The following RNFT2 variants were observed in gnomAD, a reference collection of about 807,000 sequenced individuals.
RNFT2 encodes the protein ring finger protein, transmembrane 2.
In RNFT2, 36 loss-of-function variants were observed where a neutral mutation model predicts 53.0. The observed-to-expected ratio is 0.68, with a 90% confidence interval of 0.52 to 0.90. The LOEUF (loss-of-function observed/expected upper bound fraction) is 0.90. Among genes scored for constraint, RNFT2 ranks in the 40% least tolerant of loss-of-function variants. The pLI is 0.00. For missense variants in RNFT2, 514 were observed against 585.6 expected, an observed-to-expected ratio of 0.88 and a Z score of 1.26; for synonymous variants, 260 against 253.2, an observed-to-expected ratio of 1.03 and a Z score of -0.26.
chr12:116,793,932 G>C (rs1206783335), intron 7 of RNFT2, among the ~76,000 whole-genome samples: 1 of 152,132 alleles, frequency 6.6e-6, no homozygotes, highest in Non-Finnish European at 1.5e-5. Context: ...AAGACCCCTA[G>C]GTTGCTCTTG....
At chr12:116,845,695 G>A (rs1877576639) in intron 10 of RNFT2, among the ~76,000 whole-genome samples, 1 of 152,126 alleles carries the variant, frequency 6.6e-6, no homozygotes, top group Non-Finnish European at 1.5e-5. Context: ...GTGGGAATCT[G>A]TAGAAGCTGC....
Position 116,841,640 on chromosome 12 carries a change from C to T in RNFT2, c.1200+5358C>T, listed in dbSNP as rs140710868. On this transcript the variant is annotated intron_variant, in intron 10 of 10. Transcript: ENST00000257575. The stretch of plus-strand genomic sequence containing the variant: ...GCACACACCTGTAGTCCCAGCTACT[C>T]GGGAGTCTAGGGCAGGAGAGTCACT... Among the ~76,000 whole-genome samples, 364 of 148,998 alleles carry T rather than the reference C, an allele frequency of 2.4e-3. 2 individuals are homozygous for T. The highest frequency in any genetic ancestry group is 8.4e-3 in the African/African-American group (338 of 40,258).
chr12:116,811,490 C>T (rs1875373826), intron 7 of RNFT2, among the ~76,000 whole-genome samples: 1 of 152,032 alleles, frequency 6.6e-6, no homozygotes, highest in Admixed American at 6.6e-5. Flanking sequence ...ATCCTTGTGC[C>T]TCAGTCTCCT....
At chr12:116,743,004 C>T (rs1410697974) in intron 3 of RNFT2, among the ~76,000 whole-genome samples, 2 of 144,990 alleles carry the variant, frequency 1.4e-5, no homozygotes, top group African/African-American at 5.1e-5. Flanking sequence ...TTGCTTGAGC[C>T]CAGGAGGTGG....
intron 7 of RNFT2, among the ~76,000 whole-genome samples, chr12:116,785,964 A>G (rs1348177032): frequency 6.6e-6 from 1 of 151,956 alleles, no homozygotes; most frequent in African/African-American, 2.4e-5. Context: ...AGGTGGGAAG[A>G]TTGCTTGAGC....
chr12:116,755,501 C>T, intron 5 of RNFT2: 1 of 909,724 alleles, frequency 1.1e-6, no homozygotes, highest in Non-Finnish European at 1.9e-6. Context: ...GAGTTGAACC[C>T]AGGTACCTTT....
At chr12:116,778,621 G>A (rs188928968) in intron 6 of RNFT2, among the ~76,000 whole-genome samples, 118 of 152,350 alleles carry the variant, frequency 7.7e-4, no homozygotes, top group African/African-American at 2.2e-3. Context: ...AGGCTGAGGC[G>A]GGTGGATCAC....
chr12:116,757,944 A>G (rs1048400085), intron 5 of RNFT2, among the ~76,000 whole-genome samples: 2 of 152,108 alleles, frequency 1.3e-5, no homozygotes, highest in African/African-American at 4.8e-5. Context: ...TACTATTACT[A>G]TGTTGCTGTC....
chr12:116,798,260 T>C (rs182500955), intron 7 of RNFT2, among the ~76,000 whole-genome samples: 96 of 152,152 alleles, frequency 6.3e-4, no homozygotes, highest in Middle Eastern at 6.8e-3. Flanking sequence ...GCAGCAAATA[T>C]ATGTGCGTGT....
Position 116,781,174 on chromosome 12 carries a change from A to G in RNFT2, c.882+1826A>G, listed in dbSNP as rs575957266. On this transcript the variant is annotated intron_variant, in intron 7 of 10. Coordinates refer to ENST00000257575, the MANE Select transcript of RNFT2 (RefSeq NM_001382266.1). ...AATCTTGGATGAATTACTTAGCCTC[A>G]GTGCCCTCATCTGTAAAATGGGGTA... 2.0e-5 allele frequency among the ~76,000 whole-genome samples: 3 copies of G among 152,290 alleles called. No homozygotes were observed. The South Asian group carries it at 6.2e-4, about 32-fold the overall frequency.
chr12:116,848,906 G>A (rs1293993197), intron 10 of RNFT2, among the ~76,000 whole-genome samples: 5 of 152,078 alleles, frequency 3.3e-5, no homozygotes, highest in African/African-American at 1.2e-4. Context: ...TGCAACCTCT[G>A]CCTCCGGGTT....
intron 7 of RNFT2, among the ~76,000 whole-genome samples, chr12:116,798,469 C>T (rs556452301): frequency 6.6e-6 from 1 of 152,214 alleles, no homozygotes; most frequent in East Asian, 1.9e-4. Context: ...CTGCCATTTA[C>T]CAGCTTTGGG....
intron 6 of RNFT2, among the ~76,000 whole-genome samples, chr12:116,771,152 G>A (rs1032733735): frequency 1.3e-5 from 2 of 151,950 alleles, no homozygotes; most frequent in African/African-American, 2.4e-5. Flanking sequence ...ATTAACAGTG[G>A]TCCTCTAGAC....
chr12:116,827,279 G>A (rs1311700250), intron 7 of RNFT2, among the ~76,000 whole-genome samples: 1 of 151,162 alleles, frequency 6.6e-6, no homozygotes, highest in Non-Finnish European at 1.5e-5. Context: ...CTTCAAAGGT[G>A]TACATAACAG....
chr12:116,838,959 G>A (rs1315612230), intron 10 of RNFT2, among the ~76,000 whole-genome samples: 2 of 152,340 alleles, frequency 1.3e-5, no homozygotes, highest in African/African-American at 4.8e-5. Context: ...GCCTGGAAAG[G>A]CAGAGATGAT....
intron 7 of RNFT2, chr12:116,801,045 A>G (rs1874768614): frequency 6.6e-6 from 1 of 152,070 alleles, no homozygotes; most frequent in Non-Finnish European, 1.5e-5. Flanking sequence ...CTTTATTTGC[A>G]TGATTTCATT....
intron 5 of RNFT2, among the ~76,000 whole-genome samples, chr12:116,763,184 A>G (rs1339718824): frequency 6.6e-6 from 1 of 152,168 alleles, no homozygotes; most frequent in Non-Finnish European, 1.5e-5. Flanking sequence ...CAGAAAAAAA[A>G]AAAAAATCTC....
chr12:116,765,272 G>GC (rs1872859448), intron 5 of RNFT2, among the ~76,000 whole-genome samples: 1 of 152,176 alleles, frequency 6.6e-6, no homozygotes, highest in South Asian at 2.1e-4. Context: ...AAAAAGAGCT[G>GC]CCAGGTGGAT....
intron 8 of RNFT2, 111 bp from the exon 9 acceptor site, chr12:116,835,849 A>G: frequency 9.2e-7 from 1 of 1,091,504 alleles, no homozygotes; most frequent in Non-Finnish European, 1.4e-6. Flanking sequence ...AGCCCTAAAA[A>G]TGTTCTGAGT....
Sources: gnomAD v4.1 joint callset for allele counts (sites outside exome capture counted in the v4.1 genomes callset) on GRCh38, gnomAD v4.1.1 for gene constraint, MANE v1.5 for transcripts, NCBI Gene and HGNC (gene_info 2026-07-23, HGNC 2026-07-21) for gene names.